The following CDH4 variants were observed in gnomAD, a reference collection of about 807,000 sequenced individuals.
CDH4 encodes cadherin-4.
A neutral mutation model predicts 86.0 loss-of-function variants in CDH4; 33 were observed. The ratio of observed to expected loss-of-function variants is 0.38; its 90% CI spans 0.29 to 0.51. The LOEUF (loss-of-function observed/expected upper bound fraction) is 0.51. CDH4 is among the 20% of genes least tolerant of loss of function. The pLI is 0.86. For missense variants in CDH4, 1,114 were observed against 1,307.4 expected (o/e 0.85, Z 2.28); for synonymous variants, 555 against 549.4 (o/e 1.01, Z -0.14).
chr20:61,317,762 G>T (rs1459457460), intron 2 of CDH4, among the ~76,000 whole-genome samples: 1 of 152,154 alleles, frequency 6.6e-6, no homozygotes, highest in Non-Finnish European at 1.5e-5. Flanking sequence ...AGACCCCCAC[G>T]GTTCTAGACA....
intron 2 of CDH4, among the ~76,000 whole-genome samples, chr20:61,561,416 C>T (rs2086215826): frequency 6.6e-6 from 1 of 152,264 alleles, no homozygotes; most frequent in Admixed American, 6.5e-5. Context: ...CTCCCAGCCA[C>T]ATGGCGGGTG....
Position 61,517,254 on chromosome 20 carries a change from G to A in CDH4, c.170-226309G>A, listed in dbSNP as rs1392989495. 2.0e-5 allele frequency among the ~76,000 whole-genome samples: 3 copies of A among 152,210 alleles called. No individual in the cohort carries two copies. The highest frequency in any genetic ancestry group is 7.2e-5 in the African/African-American group (3 of 41,456). ...GTTGCCCAGGCTGGAAGGCAGTGGCGCAGTCACAACCCACGGCAGCCGCCA... is the reference window on the plus strand; with the variant it reads ...GTTGCCCAGGCTGGAAGGCAGTGGCACAGTCACAACCCACGGCAGCCGCCA... On this transcript the variant is annotated intron_variant, in intron 2 of 15. Coordinates refer to ENST00000614565, the MANE Select transcript of CDH4 (RefSeq NM_001794.5). The surrounding 1 kb of genome is among the most constrained non-coding windows in gnomAD (Gnocchi z 6.6).
chr20:61,822,220 C>T (rs1385905898), intron 4 of CDH4, among the ~76,000 whole-genome samples: 3 of 152,194 alleles, frequency 2.0e-5, no homozygotes, highest in African/African-American at 7.2e-5. Context: ...AAAAACATCT[C>T]GATGCCTAGA....
chr20:61,633,817 T>C (rs2086919811), intron 2 of CDH4, among the ~76,000 whole-genome samples: 1 of 152,178 alleles, frequency 6.6e-6, no homozygotes, highest in Non-Finnish European at 1.5e-5. Flanking sequence ...TAGCCTGCAG[T>C]TAATGTGCAC....
intron 3 of CDH4, among the ~76,000 whole-genome samples, chr20:61,767,752 T>C (rs1268611620): frequency 6.6e-6 from 1 of 151,792 alleles, no homozygotes; most frequent in Non-Finnish European, 1.5e-5. Flanking sequence ...AGGGGAACTG[T>C]GGGGTATGGG....
chr20:61,522,701 G>A (rs1030863205), intron 2 of CDH4, among the ~76,000 whole-genome samples: 2 of 152,234 alleles, frequency 1.3e-5, no homozygotes, highest in African/African-American at 2.4e-5. Flanking sequence ...TTGTTCACCC[G>A]GCTGCGGGCT....
intron 2 of CDH4, among the ~76,000 whole-genome samples, chr20:61,706,185 C>G (rs1023776562): frequency 6.6e-6 from 1 of 152,222 alleles, no homozygotes; most frequent in Non-Finnish European, 1.5e-5. Flanking sequence ...ACTTTTCCAG[C>G]TGCGTTGCTC....
chr20:61,685,371 G>T (rs952301226), intron 2 of CDH4, among the ~76,000 whole-genome samples: 3 of 152,180 alleles, frequency 2.0e-5, no homozygotes, highest in Non-Finnish European at 2.9e-5. Flanking sequence ...CGGGGTGACT[G>T]CCCCTCCCCA....
At chr20:61,875,698 A>G (rs1345486232) in intron 7 of CDH4, among the ~76,000 whole-genome samples, 1 of 152,192 alleles carries the variant, frequency 6.6e-6, no homozygotes, top group South Asian at 2.1e-4. Context: ...ACCGCCCTCC[A>G]GTGGCCATGA....
At chr20:61,521,613 C>G (rs2085869598) in intron 2 of CDH4, among the ~76,000 whole-genome samples, 1 of 152,152 alleles carries the variant, frequency 6.6e-6, no homozygotes, top group Non-Finnish European at 1.5e-5. Flanking sequence ...TCAACAAGGT[C>G]GAGGAGTCAC....
intron 4 of CDH4, among the ~76,000 whole-genome samples, chr20:61,784,459 C>T (rs111232355): frequency 0.013 from 496 of 36,864 alleles, 3 homozygotes; most frequent in Middle Eastern, 0.022. Context: ...CCCAGTTCCT[C>T]GGGACAGTTC....
intron 2 of CDH4, among the ~76,000 whole-genome samples, chr20:61,700,541 AC>A (rs1262991666): frequency 6.6e-6 from 1 of 152,118 alleles, no homozygotes; most frequent in Non-Finnish European, 1.5e-5. Context: ...CAGGGTTGTC[AC>A]CCCAGCAAGG....
rs776354429 is a variant in CDH4 at position 61,269,565 on chromosome 20, T to C, written c.169+14628T>C. On this transcript the variant is annotated intron_variant, in intron 2 of 15. Transcript: ENST00000614565. This position sits in a 1 kb window ranked among gnomAD's most constrained non-coding sequence, Gnocchi z 5.3. ...CACCAGGCTCTGGAAACACCAAGGC[T>C]TGCTGGCTTGCTCTTATTTATTAAT... Among the ~76,000 whole-genome samples, 60 of 152,294 alleles carry C rather than the reference T, an allele frequency of 3.9e-4. No individual in the cohort carries two copies. The highest frequency in any genetic ancestry group is 1.2e-3 in the South Asian group (6 of 4,820).
chr20:61,254,291 G>A lies in CDH4; in HGVS notation c.58-535G>A, dbSNP rs118169337. On this transcript the variant is annotated intron_variant, in intron 1 of 15. Transcript: ENST00000614565. ...TCCCGCAGAGCTGCCTTCTTCGACC[G>A]GCTCCGGACCTAGTCCTAGAGAATC... Among the ~76,000 whole-genome samples the A allele has an allele frequency of 2.5e-4, 38 of 152,296 alleles. 1 individual carries two copies. The East Asian group carries it at 7.2e-3, about 29-fold the overall frequency.
chr20:61,256,641 G>A (rs1487930950), intron 2 of CDH4, among the ~76,000 whole-genome samples: 2 of 152,218 alleles, frequency 1.3e-5, no homozygotes, highest in Non-Finnish European at 2.9e-5. Flanking sequence ...ATGCCCCTGG[G>A]TGAATCTGGA....
chr20:61,910,399 C>T (rs747551658), intron 8 of CDH4, 23 bp from the exon 9 acceptor site: 1 of 1,607,530 alleles, frequency 6.2e-7, no homozygotes, highest in Non-Finnish European at 8.5e-7. Flanking sequence ...GGGTTTGTGA[C>T]ATTCTTTCCT....
rs189947783 is a variant in CDH4, at chr20:61,366,518, C to T, written c.169+111581C>T. Among the ~76,000 whole-genome samples the T allele has an allele frequency of 1.5e-3, 230 of 152,274 alleles. 2 individuals carry two copies. The highest frequency in any genetic ancestry group is 5.3e-4 in the Non-Finnish European group (36 of 68,032). On this transcript the variant is annotated intron_variant, in intron 2 of 15. Coordinates refer to ENST00000614565, the MANE Select transcript of CDH4 (RefSeq NM_001794.5). ...ACAGCCCCGAACAGAGATTTACCCA[C>T]GTATTTATTAACAGCAAGCCAGTCA... is the stretch of plus-strand genomic sequence containing the variant.
chr20:61,430,288 C>T (rs913552), intron 2 of CDH4, among the ~76,000 whole-genome samples: 67,905 of 151,982 alleles, frequency 0.45, 15,931 homozygotes, highest in African/African-American at 0.59. Context: ...AGTGGGTGTG[C>T]GCTTGCAGAG....
intron 9 of CDH4, among the ~76,000 whole-genome samples, chr20:61,915,189 G>T (rs747050913): frequency 6.6e-6 from 1 of 152,204 alleles, no homozygotes; most frequent in Non-Finnish European, 1.5e-5. Context: ...TGCTACCTCT[G>T]CCATAAAGCC....
Sources: allele counts gnomAD v4.1 joint callset (sites outside exome capture counted in the v4.1 genomes callset), GRCh38; gene constraint gnomAD v4.1.1; non-coding constraint Gnocchi (gnomAD v3.1); transcripts MANE v1.5; gene names NCBI Gene and HGNC (gene_info 2026-07-23, HGNC 2026-07-21).